NOVA1: variants seen among roughly 807,000 people sequenced by gnomAD.
The protein encoded by NOVA1 is RNA-binding protein Nova-1.
A neutral mutation model predicts 38.0 loss-of-function variants in NOVA1; 7 were observed. The ratio of observed to expected loss-of-function variants is 0.18; its 90% confidence interval spans 0.10 to 0.35. The LOEUF is 0.35. Among genes scored for constraint, NOVA1 ranks in the 10% least tolerant of loss-of-function variants. The pLI is 1.00. For missense variants in NOVA1, 460 were observed against 616.0 expected, an observed-to-expected ratio of 0.75 and a Z score of 2.68; for synonymous variants, 270 against 232.5, an observed-to-expected ratio of 1.16 and a Z score of -1.47.
intron 2 of NOVA1, among the ~76,000 whole-genome samples, chr14:26,595,174 C>A (rs2094084157): frequency 6.6e-6 from 1 of 152,046 alleles, no homozygotes; most frequent in Admixed American, 6.6e-5. Flanking sequence ...TTCAGAAATA[C>A]CCGAATCATC....
intron 2 of NOVA1, among the ~76,000 whole-genome samples, chr14:26,587,992 T>C (rs560099363): frequency 6.6e-6 from 1 of 151,172 alleles, no homozygotes; most frequent in South Asian, 2.1e-4. Context: ...CTAAGTAAAC[T>C]AAGTAAACTT....
rs535952646 is a variant in NOVA1 at position 26,529,063 on chromosome 14, G to A, written c.281-48920C>T. ...ACAAGTACACCCGATCACCCTACTA[G>A]GAGGCATATTTGCTCTCAGCCCCTA... On this transcript the variant is annotated intron_variant, in intron 2 of 4. Coordinates refer to ENST00000539517, the MANE Select transcript of NOVA1 (RefSeq NM_002515.3). 8.8e-4 allele frequency among the ~76,000 whole-genome samples: 134 copies of A among 152,092 alleles called. 1 individual carries two copies. Among genetic ancestry groups the A allele is most frequent in the African/African-American group, 2.9e-4 (12 of 41,458 alleles).
At chr14:26,511,269 T>TAA (rs71121886) in intron 2 of NOVA1, among the ~76,000 whole-genome samples, 2 of 151,752 alleles carry the variant, frequency 1.3e-5, no homozygotes, top group Non-Finnish European at 2.9e-5. Context: ...TTTTTTATAC[T>TAA]AAAAAAAATT....
chr14:26,567,418 C>T (rs902999927), intron 2 of NOVA1, among the ~76,000 whole-genome samples: 5 of 150,938 alleles, frequency 3.3e-5, no homozygotes, highest in African/African-American at 1.2e-4. Context: ...ACCTCAGCCT[C>T]CCAAGTAGCT....
intron 2 of NOVA1, chr14:26,519,334 G>A (rs1336143509): frequency 6.6e-6 from 1 of 152,162 alleles, no homozygotes; most frequent in East Asian, 1.9e-4. Context: ...AATGGGAAAG[G>A]TGAGTATGTA....
chr14:26,568,930 A>C (rs1223689481), intron 2 of NOVA1, among the ~76,000 whole-genome samples: 1 of 152,192 alleles, frequency 6.6e-6, no homozygotes, highest in African/African-American at 2.4e-5. Flanking sequence ...GCAGATTTTC[A>C]GCATGAATTC....
At chr14:26,470,071 A>G (rs961714218) in intron 4 of NOVA1, 29 of 467,142 alleles carry the variant, frequency 6.2e-5, no homozygotes, top group Non-Finnish European at 8.5e-5. Context: ...AAAATAATAA[A>G]AAGTATTTTT....
At chr14:26,583,912 CACACACACAT>C (rs1208450901) in intron 2 of NOVA1, among the ~76,000 whole-genome samples, 259 of 110,900 alleles carry the variant, frequency 2.3e-3, no homozygotes, top group African/African-American at 6.0e-3. Flanking sequence ...CACACACACA[CACACACACAT>C]ATATTGTATA....
In NOVA1 at chr14:26,447,572, G is replaced by C. The variant is rs574553042; in HGVS notation, c.*387C>G. 1.5e-5 allele frequency: 3 copies of C among 196,994 alleles called. No homozygotes were observed. In the East Asian group the frequency reaches 3.6e-4, roughly 24 times the overall value. The allele number at this position is 196,994 out of a possible 1,614,324, so 12.2% of individuals were successfully genotyped here. On this transcript the variant is annotated 3_prime_UTR_variant, in exon 5 of 5. Coordinates refer to ENST00000539517, the MANE Select transcript of NOVA1 (RefSeq NM_002515.3). ...TGGCCTCACTCCATTTTAGGTCACT[G>C]ACCCCACCATACTCAACCTAACAGT...
At chr14:26,573,723 A>T (rs528886450) in intron 2 of NOVA1, among the ~76,000 whole-genome samples, 280 of 152,334 alleles carry the variant, frequency 1.8e-3, no homozygotes, top group African/African-American at 6.0e-3. Context: ...TTTACAGAGT[A>T]TAAATCTGTT....
At chr14:26,450,511 A>C (rs949399559) in intron 4 of NOVA1, among the ~76,000 whole-genome samples, 3 of 152,260 alleles carry the variant, frequency 2.0e-5, no homozygotes, top group Admixed American at 1.3e-4. Flanking sequence ...AAATAGTCTA[A>C]GTTTTCAAGA....
chr14:26,583,478 C>T (rs1336434800), intron 2 of NOVA1, among the ~76,000 whole-genome samples: 2 of 151,480 alleles, frequency 1.3e-5, no homozygotes, highest in African/African-American at 2.4e-5. Context: ...AAAGATTACA[C>T]AGTGAATATT....
At chr14:26,537,250 T>A (rs1157131709) in intron 2 of NOVA1, among the ~76,000 whole-genome samples, 2 of 151,866 alleles carry the variant, frequency 1.3e-5, no homozygotes, top group Non-Finnish European at 2.9e-5. Flanking sequence ...AACATGCACA[T>A]GGTAAAATAT....
intron 2 of NOVA1, among the ~76,000 whole-genome samples, chr14:26,502,292 T>C (rs552259619): frequency 1.3e-5 from 2 of 152,020 alleles, no homozygotes; most frequent in South Asian, 2.1e-4. Flanking sequence ...CTTGCTAACA[T>C]GTCATGCAAT....
intron 2 of NOVA1, among the ~76,000 whole-genome samples, chr14:26,500,045 C>T (rs994896774): frequency 2.0e-5 from 3 of 152,008 alleles, no homozygotes; most frequent in Admixed American, 2.0e-4. Flanking sequence ...TTTTACCTCG[C>T]TAACTCCCAT....
intron 4 of NOVA1, chr14:26,470,630 T>C (rs1884514919): frequency 3.6e-6 from 2 of 553,294 alleles, no homozygotes; most frequent in Non-Finnish European, 6.5e-6. Context: ...GCACTTTATC[T>C]AGAGGGTGAA....
intron 2 of NOVA1, among the ~76,000 whole-genome samples, chr14:26,506,884 A>G (rs1172886952): frequency 6.6e-6 from 1 of 152,122 alleles, no homozygotes; most frequent in Non-Finnish European, 1.5e-5. Flanking sequence ...CAGGCCAACA[A>G]CTGTTCTTTA....
chr14:26,511,126 G>A (rs924962899), intron 2 of NOVA1, among the ~76,000 whole-genome samples: 3 of 152,012 alleles, frequency 2.0e-5, no homozygotes, highest in African/African-American at 7.2e-5. Flanking sequence ...TGAGATGATC[G>A]ATATTGTTGA....
intron 2 of NOVA1, among the ~76,000 whole-genome samples, chr14:26,485,828 T>G (rs1403284704): frequency 6.6e-6 from 1 of 152,088 alleles, no homozygotes; most frequent in Non-Finnish European, 1.5e-5. Flanking sequence ...TAGTGTAGAG[T>G]AAGTCATTTG....
Sources: allele counts gnomAD v4.1 joint callset (sites outside exome capture counted in the v4.1 genomes callset), GRCh38; gene constraint gnomAD v4.1.1; transcripts MANE v1.5; gene names NCBI Gene and HGNC (gene_info 2026-07-23, HGNC 2026-07-21).